CEACAM3: variants seen among roughly 807,000 people sequenced by gnomAD.
CEACAM3 encodes the protein cell adhesion molecule CEACAM3.
In CEACAM3, 32 loss-of-function variants were observed where a neutral mutation model predicts 30.1. That is an observed-to-expected ratio of 1.06 (90% CI 0.80 to 1.43). The LOEUF (loss-of-function observed/expected upper bound fraction) is 1.43. CEACAM3 is among the 40% of genes most tolerant of loss of function. The pLI is 0.00. For missense variants in CEACAM3, 290 were observed against 316.3 expected (o/e 0.92, Z 0.63); for synonymous variants, 134 against 127.2 (o/e 1.05, Z -0.36).
In CEACAM3 at chr19:41,811,279, C is replaced by A; in HGVS notation, c.*42C>A. The A allele has an allele frequency of 6.4e-7, 1 of 1,552,590 alleles. No individual in the cohort carries two copies. Among genetic ancestry groups the A allele is most frequent in the Non-Finnish European group, 8.9e-7 (1 of 1,125,938 alleles). ...CTCCTGTGTGTTGATGGAGAGTCCC[C>A]AAGGCCCCCAGCCCTGGGGATGGGG... On this transcript the variant is annotated 3_prime_UTR_variant, in exon 7 of 7. Coordinates refer to ENST00000357396, the MANE Select transcript of CEACAM3 (RefSeq NM_001815.5).
At chr19:41,802,865 A>G (rs2073163317) in intron 2 of CEACAM3, among the ~76,000 whole-genome samples, 1 of 152,174 alleles carries the variant, frequency 6.6e-6, no homozygotes, top group Non-Finnish European at 1.5e-5. Context: ...TGTAGCCATC[A>G]TGTCCCACCT....
At chr19:41,807,455 T>TGAGA (rs782188843) in intron 2 of CEACAM3, 43 of 1,532,938 alleles carry the variant, frequency 2.8e-5, no homozygotes, top group Non-Finnish European at 3.6e-5. Context: ...GCCAGGCCTC[T>TGAGA]CAGTCCCTCT....
In CEACAM3 at chr19:41,797,096, T is replaced by G. The variant is rs111484024; in HGVS notation, c.64+355T>G. 5.6e-3 allele frequency: 1,502 copies of G among 266,834 alleles called. 19 individuals are homozygous for G. Among genetic ancestry groups the G allele is most frequent in the African/African-American group, 0.023 (1,013 of 44,792 alleles). 16.5% of individuals were successfully genotyped at this position (266,834 alleles called of 1,614,324 possible). On this transcript the variant is annotated intron_variant, in intron 1 of 6. Coordinates refer to ENST00000357396, the MANE Select transcript of CEACAM3 (RefSeq NM_001815.5). ...AAGTTGCAAAATAACCACCACTCCT[T>G]AACTCATCCACCAGTATTTGCAATC...
rs1212169055 is a variant in CEACAM3 at position 41,811,360 on chromosome 19, G to A, written c.*123G>A. ...CTATAAGTCCTGAGAAGACACTGGT[G>A]TCTGGGGGCAGGGAGGGATGGGGGT... is the stretch of plus-strand genomic sequence containing the variant. On this transcript the variant is annotated 3_prime_UTR_variant, in exon 7 of 7. Transcript: ENST00000357396. The A allele has an allele frequency of 8.4e-6, 7 of 832,796 alleles. No homozygotes were observed. The highest frequency in any genetic ancestry group is 1.4e-5 in the Non-Finnish European group (7 of 504,014). The allele number at this position is 832,796 out of a possible 1,614,324, so 51.6% of individuals were successfully genotyped here.
chr19:41,810,455 C>T lies in CEACAM3; in HGVS notation c.627+101C>T, dbSNP rs2073240130. On this transcript the variant is annotated intron_variant, in intron 5 of 6. Coordinates refer to ENST00000357396, the MANE Select transcript of CEACAM3 (RefSeq NM_001815.5). ...CCCCAGCACAGAACAGACCCACCTT[C>T]CCCCAAAACACACAGGACAAGGCTA... 7.6e-6 allele frequency: 10 copies of T among 1,315,844 alleles called. No homozygotes were observed. In the South Asian group the frequency reaches 1.3e-4, roughly 17 times the overall value. The allele number at this position is 1,315,844 out of a possible 1,614,324, so 81.5% of individuals were successfully genotyped here.
chr19:41,802,917 C>A (rs1284240517), intron 2 of CEACAM3, among the ~76,000 whole-genome samples: 2 of 152,136 alleles, frequency 1.3e-5, no homozygotes, highest in African/African-American at 4.8e-5. Context: ...AAGTTCACAG[C>A]CCAGGCTGCA....
intron 2 of CEACAM3, chr19:41,807,061 A>C (rs2073207598): frequency 6.2e-7 from 1 of 1,607,380 alleles, no homozygotes; most frequent in African/African-American, 1.3e-5. Context: ...ATGCCTGTGG[A>C]GGAATCACAG....
intron 2 of CEACAM3, among the ~76,000 whole-genome samples, chr19:41,807,987 A>T (rs1201967374): frequency 6.6e-6 from 1 of 152,182 alleles, no homozygotes; most frequent in East Asian, 1.9e-4. Flanking sequence ...TAACTCAGCC[A>T]CTGGCCTCAG....
At chr19:41,802,946 AGAACCCTTCC>A (rs1316579066) in intron 2 of CEACAM3, among the ~76,000 whole-genome samples, 3 of 152,188 alleles carry the variant, frequency 2.0e-5, no homozygotes, top group African/African-American at 7.2e-5. Context: ...CCAGGACCAC[AGAACCCTTCC>A]CTCCCAACAC....
At chr19:41,802,053 C>T (rs7251931) in intron 2 of CEACAM3, among the ~76,000 whole-genome samples, 79,314 of 151,792 alleles carry the variant, frequency 0.52, 22,578 homozygotes, top group Middle Eastern at 0.71. Flanking sequence ...GGACAGCCAC[C>T]TTGAGGCTAG....
At chr19:41,805,670 C>T (rs1307956178) in intron 2 of CEACAM3, among the ~76,000 whole-genome samples, 5 of 152,164 alleles carry the variant, frequency 3.3e-5, no homozygotes, top group Admixed American at 6.5e-5. Context: ...TGTCCTTGTA[C>T]GACTGACTTC....
intron 2 of CEACAM3, among the ~76,000 whole-genome samples, chr19:41,805,244 C>A (rs1442411209): frequency 1.3e-5 from 2 of 151,694 alleles, no homozygotes; most frequent in African/African-American, 4.8e-5. Context: ...TCCCTGCCAG[C>A]CCTTGGAAAT....
intron 3 of CEACAM3, chr19:41,809,387 C>A (rs77979137): frequency 0.032 from 5,323 of 167,784 alleles, 305 homozygotes; most frequent in African/African-American, 0.12. Flanking sequence ...GGTCAGTGCC[C>A]CCCATGGCTG....
intron 3 of CEACAM3, 30 bp downstream of exon 3, chr19:41,808,960 A>G (rs1018189562): frequency 1.4e-6 from 2 of 1,475,672 alleles, no homozygotes; most frequent in Non-Finnish European, 1.8e-6. Context: ...TCCTTCTCCC[A>G]CCCCCTAGGC....
In CEACAM3 at chr19:41,810,363, G is replaced by A. The variant is rs782010813; in HGVS notation, c.627+9G>A. The A allele has an allele frequency of 1.2e-5, 19 of 1,599,584 alleles. No homozygotes were observed. The South Asian group carries it at 1.4e-4, about 11-fold the overall frequency. On this transcript the variant is annotated intron_variant, in intron 5 of 6. Coordinates refer to ENST00000357396, the MANE Select transcript of CEACAM3 (RefSeq NM_001815.5). The stretch of plus-strand genomic sequence containing the variant: ...ACAGCTCTGCCTTCTCGGTAAGCCT[G>A]TCCCCTTCCAGCCCCTTTCTACTGG...
chr19:41,800,814 A>G (rs2073139946), intron 2 of CEACAM3, among the ~76,000 whole-genome samples: 1 of 152,108 alleles, frequency 6.6e-6, no homozygotes, highest in Non-Finnish European at 1.5e-5. Context: ...TTTGTATCCA[A>G]TAAATAACAG....
At chr19:41,806,175 G>C (rs1205295495) in intron 2 of CEACAM3, among the ~76,000 whole-genome samples, 1 of 152,062 alleles carries the variant, frequency 6.6e-6, no homozygotes, top group East Asian at 1.9e-4. Flanking sequence ...TTACAGGCAT[G>C]CTCCACCACA....
chr19:41,807,803 C>G (rs2073215557), intron 2 of CEACAM3, among the ~76,000 whole-genome samples: 1 of 152,230 alleles, frequency 6.6e-6, no homozygotes, highest in Non-Finnish European at 1.5e-5. Flanking sequence ...CCATTTCCCC[C>G]CCAGACTCCT....
Position 41,796,711 on chromosome 19 carries a change from T to C in CEACAM3, c.34T>C (p.Cys12Arg), listed in dbSNP as rs1555825247. The C allele has an allele frequency of 6.2e-7, 1 of 1,613,846 alleles. No individual in the cohort carries two copies. Among genetic ancestry groups the C allele is most frequent in the East Asian group, 2.2e-5 (1 of 44,868 alleles). Residue 12 changes from cysteine to arginine, a missense_variant, in exon 1 of 7, where the codon TGC becomes CGC. By Grantham distance (180) the Cys-to-Arg change is radical. Transcript: ENST00000357396. ...GPPSASPHRE[C>R]IPWQGLLLTA... is the part of the protein sequence containing the mutation. Reference sequence around the variant, plus strand: ...CCCCTCAGCCTCTCCCCACAGAGAATGCATCCCCTGGCAGGGGCTTCTGCT... The same window carrying C: ...CCCCTCAGCCTCTCCCCACAGAGAACGCATCCCCTGGCAGGGGCTTCTGCT...
Sources: allele counts gnomAD v4.1 joint callset (sites outside exome capture counted in the v4.1 genomes callset), GRCh38; gene constraint gnomAD v4.1.1; transcripts MANE v1.5; gene names NCBI Gene and HGNC (gene_info 2026-07-23, HGNC 2026-07-21).